The following BCAR3 variants were observed in gnomAD, a reference collection of about 807,000 sequenced individuals.
The protein encoded by BCAR3 is BCAR3 adaptor protein, NSP family member, also known as breast cancer anti-estrogen resistance protein 3.
Under a neutral mutation model 80.1 loss-of-function variants are expected in BCAR3, and 37 were observed. The observed-to-expected ratio is 0.46, with a 90% CI of 0.36 to 0.61. BCAR3 has a LOEUF of 0.61. Among genes scored for constraint, BCAR3 ranks in the 20% least tolerant of loss-of-function variants. The probability of loss-of-function intolerance (pLI) is 0.00; values close to 1 mark genes in which losing one functional copy is unlikely to be tolerated. For missense variants in BCAR3, 978 were observed against 1,068.2 expected (o/e 0.92, Z 1.18); for synonymous variants, 389 against 418.9 (o/e 0.93, Z 0.87).
chr1:93,733,137 T>C (rs553245504), intron 2 of BCAR3, among the ~76,000 whole-genome samples: 1 of 151,850 alleles, frequency 6.6e-6, no homozygotes, highest in Non-Finnish European at 1.5e-5. Context: ...TTTCTTTTTT[T>C]AAAAAAAAGT....
At position 93,567,333 on chromosome 1, in the gene BCAR3, A is replaced by C. The variant is rs756227345; in HGVS notation, c.2245T>G (p.Phe749Val). Residue 749 changes from phenylalanine (F) to valine (V), a missense_variant, in exon 11 of 12, where the codon TTC (phenylalanine) becomes GTC (valine). Coordinates refer to ENST00000260502, the MANE Select transcript of BCAR3 (RefSeq NM_003567.4). ...IMLNHLATAR[F>V]MAEAADSYRM... ...TAGCTGTCTGCAGCCTCGGCCATGA[A>C]TCGCGCTGTTGCCAAATGGTTCAGC... 6.2e-7 allele frequency: 1 copy of C among 1,614,134 alleles called. No individual in the cohort carries two copies. Among genetic ancestry groups the C allele is most frequent in the East Asian group, 2.2e-5 (1 of 44,880 alleles).
chr1:93,821,521 C>T (rs1654222169), intron 2 of BCAR3, among the ~76,000 whole-genome samples: 1 of 152,168 alleles, frequency 6.6e-6, no homozygotes, highest in Non-Finnish European at 1.5e-5. Flanking sequence ...ACTACAGGGG[C>T]CTTTCAACAT....
intron 2 of BCAR3, among the ~76,000 whole-genome samples, chr1:93,750,933 C>T (rs1020037795): frequency 1.1e-4 from 16 of 152,172 alleles, no homozygotes; most frequent in African/African-American, 3.9e-4. Context: ...CCGCAGAATC[C>T]ATAAGCTTGA....
intron 1 of BCAR3, among the ~76,000 whole-genome samples, chr1:93,680,552 A>G (rs1648705445): frequency 6.6e-6 from 1 of 152,180 alleles, no homozygotes; most frequent in South Asian, 2.1e-4. Context: ...AAGGGAGGCT[A>G]TCAGCTCCCA....
At chr1:93,566,483 A>G (rs895625967) in intron 11 of BCAR3, among the ~76,000 whole-genome samples, 1 of 152,100 alleles carries the variant, frequency 6.6e-6, no homozygotes, top group South Asian at 2.1e-4. Flanking sequence ...TGTGTGATAA[A>G]TGCCGGCCGT....
In BCAR3 at chr1:93,562,198, G is replaced by A; in HGVS notation, c.*43C>T. 1 of 1,558,488 alleles carries A rather than the reference G, an allele frequency of 6.4e-7. No individual in the cohort carries two copies. Among genetic ancestry groups the A allele is most frequent in the South Asian group, 1.2e-5 (1 of 84,452 alleles). On this transcript the variant is annotated 3_prime_UTR_variant, in exon 12 of 12. Transcript: ENST00000260502. ...AGTAAGCTTTCCCAAAGATGAAGCT[G>A]GGGAAACTTGAAAAGATATTCTAAA...
chr1:93,752,561 C>A (rs1358362208), intron 2 of BCAR3, among the ~76,000 whole-genome samples: 2 of 152,204 alleles, frequency 1.3e-5, no homozygotes, highest in African/African-American at 4.8e-5. Flanking sequence ...AATAGGAGTG[C>A]ATTCAAAATA....
intron 2 of BCAR3, among the ~76,000 whole-genome samples, chr1:93,806,424 G>A (rs934043835): frequency 6.6e-6 from 1 of 152,178 alleles, no homozygotes; most frequent in African/African-American, 2.4e-5. Context: ...GTGAAACTAT[G>A]CAAGAACAAA....
intron 2 of BCAR3, among the ~76,000 whole-genome samples, chr1:93,756,527 A>T (rs116313144): frequency 1.3e-5 from 2 of 152,186 alleles, no homozygotes; most frequent in Non-Finnish European, 2.9e-5. Flanking sequence ...CATTTCTCCT[A>T]TTCTCTGGGA....
At chr1:93,622,236 G>A (rs1229097665) in intron 3 of BCAR3, among the ~76,000 whole-genome samples, 2 of 152,152 alleles carry the variant, frequency 1.3e-5, no homozygotes, top group African/African-American at 4.8e-5. Context: ...TTACCATGGT[G>A]TCCTATTTCA....
intron 3 of BCAR3, among the ~76,000 whole-genome samples, chr1:93,693,634 G>A (rs1260386467): frequency 1.3e-5 from 2 of 152,166 alleles, no homozygotes; most frequent in African/African-American, 4.8e-5. Context: ...GCAAGGTGCT[G>A]GGGACAACAG....
Position 93,573,615 on chromosome 1 carries a change from A to ATTTGTTTTTTT in BCAR3, c.1803-1775_1803-1774insAAAAAAACAAA, listed in dbSNP as rs919862286. Among the ~76,000 whole-genome samples the ATTTGTTTTTTT allele has an allele frequency of 5.4e-5, 7 of 129,792 alleles. 2 individuals are homozygous for ATTTGTTTTTTT. Among genetic ancestry groups the ATTTGTTTTTTT allele is most frequent in the Admixed American group, 2.3e-4 (3 of 13,122 alleles). 85.1% of individuals were successfully genotyped at this position (129,792 alleles called of 152,430 possible). A position where few individuals can be genotyped will look rare whatever the true frequency, so the allele number is the denominator to read the frequency against. ...CATAGACCTAAAATATATTTTTATT[A>ATTTGTTTTTTT]TTATTATTATTATTATTATTTTTTT... On this transcript the variant is annotated intron_variant, in intron 8 of 11. Transcript: ENST00000260502.
intron 2 of BCAR3, among the ~76,000 whole-genome samples, chr1:93,842,783 T>G (rs1303920376): frequency 6.6e-6 from 1 of 152,198 alleles, no homozygotes; most frequent in Non-Finnish European, 1.5e-5. Context: ...TTGACACATC[T>G]TCCATCACCC....
chr1:93,839,557 A>G (rs1394724339), intron 2 of BCAR3, among the ~76,000 whole-genome samples: 1 of 152,164 alleles, frequency 6.6e-6, no homozygotes, highest in East Asian at 1.9e-4. Flanking sequence ...GATCCTTCTG[A>G]CTCAGAAGAA....
At chr1:93,799,843 A>C (rs1571136571) in intron 2 of BCAR3, among the ~76,000 whole-genome samples, 1 of 152,244 alleles carries the variant, frequency 6.6e-6, no homozygotes, top group East Asian at 1.9e-4. Flanking sequence ...AGGTAAAGGC[A>C]AACAAATATT....
At chr1:93,652,949 G>T (rs866165010) in intron 2 of BCAR3, among the ~76,000 whole-genome samples, 1 of 152,204 alleles carries the variant, frequency 6.6e-6, no homozygotes, top group Non-Finnish European at 1.5e-5. Flanking sequence ...TCGCAGAAAT[G>T]ATATTCTTAC....
At chr1:93,703,398 ACT>A (rs1649714332) in intron 3 of BCAR3, among the ~76,000 whole-genome samples, 1 of 151,770 alleles carries the variant, frequency 6.6e-6, no homozygotes, top group African/African-American at 2.4e-5. Context: ...ACAAAGCAAG[ACT>A]CTGTCTCTAT....
chr1:93,742,086 A>C (rs12405302), intron 2 of BCAR3, among the ~76,000 whole-genome samples: 17,861 of 152,200 alleles, frequency 0.12, 1,476 homozygotes, highest in African/African-American at 0.22. Flanking sequence ...GCATCTCCAA[A>C]CAGTGTTCCT....
chr1:93,690,486 T>C lies in BCAR3; in HGVS notation c.-11-15545A>G, dbSNP rs187401975. ...GGACATGGTCCTTGCCCAGGTCATA[T>C]AGCAATATGTAAAGGAGCTGAGCTC... On this transcript the variant is annotated intron_variant, in intron 3 of 13. Transcript: ENST00000370244. 2.0e-4 allele frequency among the ~76,000 whole-genome samples: 30 copies of C among 152,332 alleles called. 1 individual carries two copies. The highest frequency in any genetic ancestry group is 2.6e-4 in the Admixed American group (4 of 15,302).
Sources: gnomAD v4.1 joint callset for allele counts (sites outside exome capture counted in the v4.1 genomes callset) on GRCh38, gnomAD v4.1.1 for gene constraint, MANE v1.5 for transcripts, NCBI Gene and HGNC (gene_info 2026-07-23, HGNC 2026-07-21) for gene names.